Variants in BAIAP2 observed in about 807,000 individuals in gnomAD.
BAIAP2 encodes the protein BAR/IMD domain containing adaptor protein 2.
BAIAP2 carries 18 observed loss-of-function variants against 63.0 expected under a neutral mutation model. That is an observed-to-expected ratio of 0.29 (90% CI 0.20 to 0.42). The LOEUF is 0.42. BAIAP2 is among the 10% of genes least tolerant of loss of function. The pLI is 1.00. For synonymous variants in BAIAP2, 386 were observed against 307.6 expected, an observed-to-expected ratio of 1.25 and a Z score of -2.67; for missense variants, 610 against 734.3, an observed-to-expected ratio of 0.83 and a Z score of 1.96.
At chr17:81,111,748 CCCTCTGCCCTCATAGGGGG>C (rs1340206556) in intron 13 of BAIAP2, among the ~76,000 whole-genome samples, 1 of 152,222 alleles carries the variant, frequency 6.6e-6, no homozygotes, top group Non-Finnish European at 1.5e-5. Flanking sequence ...CAGGAGCAGG[CCCTCTGCCCTCATAGGGGG>C]CCCTTGCCCA....
At chr17:81,114,839 C>T (rs779829486) in intron 13 of BAIAP2, among the ~76,000 whole-genome samples, 10 of 152,202 alleles carry the variant, frequency 6.6e-5, no homozygotes, top group South Asian at 6.2e-4. Context: ...GGGTTGTTCC[C>T]GGCTGCCCGG....
chr17:81,057,979 C>CA lies in BAIAP2; in HGVS notation c.217+12_217+13insA. On this transcript the variant is annotated intron_variant, in intron 3 of 13. Coordinates refer to ENST00000428708, the MANE Select transcript of BAIAP2 (RefSeq NM_001144888.2). Reference sequence around the variant, plus strand: ...CTCCAAAGAACTCGGTGAGACCCCCCCCCCCCCCCCGCCTGGTAGTCGCCT... The same window carrying CA: ...CTCCAAAGAACTCGGTGAGACCCCCCACCCCCCCCCCGCCTGGTAGTCGCCT... 9.2e-7 allele frequency: 1 copy of CA among 1,084,604 alleles called. No homozygotes were observed. 67.2% of individuals were successfully genotyped at this position (1,084,604 alleles called of 1,614,324 possible).
At chr17:81,070,596 C>T (rs1455854832) in intron 3 of BAIAP2, among the ~76,000 whole-genome samples, 1 of 152,226 alleles carries the variant, frequency 6.6e-6, no homozygotes, top group Non-Finnish European at 1.5e-5. Flanking sequence ...CCTGGCGTGC[C>T]TGTCCCGCTG....
At chr17:81,045,094 G>A (rs2047622797) in intron 1 of BAIAP2, among the ~76,000 whole-genome samples, 1 of 152,232 alleles carries the variant, frequency 6.6e-6, no homozygotes, top group Admixed American at 6.5e-5. Flanking sequence ...CCTCCTGCGT[G>A]GGCCGGGTCA....
rs776492137 is a variant in BAIAP2 at position 81,086,565 on chromosome 17, G to C, written c.474G>C (p.Ser158=). The C allele has an allele frequency of 1.2e-6, 2 of 1,613,266 alleles. No homozygotes were observed. The highest frequency in any genetic ancestry group is 8.5e-7 in the Non-Finnish European group (1 of 1,180,000). ...SQGSKNPQKY[S]DKELQYIDAI... ...GCAGCAAGAATCCTCAGAAGTACTC[G>C]GACAAGGAGCTGCAGGTAGGCCCGC... The change falls in exon 6 of 14, where the codon TCG becomes TCC. Residue 158 remains serine, a synonymous_variant. Transcript: ENST00000428708.
Position 81,085,238 on chromosome 17 carries a change from G to GAC in BAIAP2, c.279+346_279+347dup. The GAC allele has an allele frequency of 6.0e-6, 3 of 500,228 alleles. No individual in the cohort carries two copies. The South Asian group carries it at 6.3e-5, about 10-fold the overall frequency. The allele number at this position is 500,228 out of a possible 1,614,324, so 31.0% of individuals were successfully genotyped here. On this transcript the variant is annotated intron_variant, in intron 4 of 13. Coordinates refer to ENST00000428708, the MANE Select transcript of BAIAP2 (RefSeq NM_001144888.2). ...GCCTCTCCGACTGTAGGCAGAGGCA[G>GAC]ACCCCACACAACCAGAGCACGTTGC...
chr17:81,051,720 C>A (rs1179657831), intron 1 of BAIAP2, among the ~76,000 whole-genome samples: 1 of 152,104 alleles, frequency 6.6e-6, no homozygotes, highest in Non-Finnish European at 1.5e-5. Context: ...GACAGGGTCT[C>A]ACTCTGTCAC....
At position 81,109,273 on chromosome 17, in the gene BAIAP2, G is replaced by A. The variant is rs1281575885; in HGVS notation, c.1535+764G>A. 2.8e-5 allele frequency: 37 copies of A among 1,307,314 alleles called. No homozygotes were observed. In the African/African-American group the frequency reaches 3.2e-4, roughly 11 times the overall value. The allele number at this position is 1,307,314 out of a possible 1,614,324, so 81.0% of individuals were successfully genotyped here. A position where few individuals can be genotyped will look rare whatever the true frequency, so the allele number is the denominator to read the frequency against. The stretch of plus-strand genomic sequence containing the variant: ...CCAGGCAGGACCTGCTGGGCCGTGC[G>A]GGGCACCCTCGGCCTCACCCTGCAG... On this transcript the variant is annotated intron_variant, in intron 13 of 13. Coordinates refer to ENST00000428708, the MANE Select transcript of BAIAP2 (RefSeq NM_001144888.2).
At chr17:81,096,841 C>A (rs1422937666) in intron 6 of BAIAP2, among the ~76,000 whole-genome samples, 3 of 152,234 alleles carry the variant, frequency 2.0e-5, no homozygotes, top group Admixed American at 1.3e-4. Flanking sequence ...TCAGAGGTCA[C>A]TGGAGGTTCT....
chr17:81,115,857 C>T lies in BAIAP2; in HGVS notation c.*18C>T, dbSNP rs557897099. The T allele has an allele frequency of 3.1e-5, 50 of 1,612,946 alleles. No homozygotes were observed. In the East Asian group the frequency reaches 1.0e-3, roughly 34 times the overall value. ...TCAGCTGATGGCCACATCTGCAGTG[C>T]TGCCCATCTGGTGGCTTCCCCCGCC... is the stretch of plus-strand genomic sequence containing the variant. On this transcript the variant is annotated 3_prime_UTR_variant, in exon 14 of 14. Transcript: ENST00000428708.
In BAIAP2 at chr17:81,108,901, C is replaced by T. The variant is rs1005912239; in HGVS notation, c.1535+392C>T. On this transcript the variant is annotated intron_variant, in intron 13 of 13. Transcript: ENST00000428708. ...TGAAAGGGGCATTGCTCGGTGCTGG[C>T]GGACTCGCCGCCTGTGGCTGGGCAG... is the stretch of plus-strand genomic sequence containing the variant. 1.9e-5 allele frequency: 29 copies of T among 1,521,524 alleles called. 1 individual carries two copies. In the Admixed American group the frequency reaches 2.4e-4, roughly 13 times the overall value. The allele number at this position is 1,521,524 out of a possible 1,614,324, so 94.3% of individuals were successfully genotyped here. A position where few individuals can be genotyped will look rare whatever the true frequency, so the allele number is the denominator to read the frequency against.
At chr17:81,055,808 G>A (rs376798831) in intron 2 of BAIAP2, among the ~76,000 whole-genome samples, 25 of 151,816 alleles carry the variant, frequency 1.6e-4, no homozygotes, top group East Asian at 1.4e-3. Flanking sequence ...CTCGTGATCC[G>A]CCCGCCTCAG....
In BAIAP2 at chr17:81,103,953, G is replaced by T. The variant is rs754048103; in HGVS notation, c.911G>T (p.Gly304Val). ...ACACCCATCATGAACGGCGTCACAGGCCCGGATGGCGAGGACTACAGCCCG... is the reference window on the plus strand; with the variant it reads ...ACACCCATCATGAACGGCGTCACAGTCCCGGATGGCGAGGACTACAGCCCG... Reference protein sequence around the residue: ...ESTPIMNGVTGPDGEDYSPWA... With the variant: ...ESTPIMNGVTVPDGEDYSPWA... The change falls in exon 9 of 14, where the codon GGC (glycine) becomes GTC (valine). Residue 304 changes from glycine to valine, a missense_variant. By Grantham distance (109) the Gly-to-Val change is moderately radical (BLOSUM62 -3). Transcript: ENST00000428708. The T allele has an allele frequency of 6.2e-7, 1 of 1,613,040 alleles. No homozygotes were observed.
chr17:81,069,880 A>G (rs1360673745), intron 3 of BAIAP2, among the ~76,000 whole-genome samples: 1 of 152,156 alleles, frequency 6.6e-6, no homozygotes, highest in Non-Finnish European at 1.5e-5. Flanking sequence ...AGCAGAGGTG[A>G]CCAGGGTCTT....
chr17:81,085,680 T>A lies in BAIAP2; in HGVS notation c.306T>A (p.Leu102=). The change falls in exon 5 of 14, where the codon CTT becomes CTA. Residue 102 remains leucine (L), a synonymous_variant. Transcript: ENST00000428708. ...EMLKSFHNEL[L]TQLEQKVELD... ...TGAAGTCTTTTCACAACGAGCTGCT[T>A]ACGCAGCTGGAGCAGAAGGTGGAGC... 6.2e-7 allele frequency: 1 copy of A among 1,613,920 alleles called. No homozygotes were observed. The highest frequency in any genetic ancestry group is 1.6e-4 in the Middle Eastern group (1 of 6,062).
chr17:81,111,097 A>C, intron 13 of BAIAP2: 1 of 1,023,832 alleles, frequency 9.8e-7, no homozygotes, highest in Non-Finnish European at 1.5e-6. Context: ...CCTGCCTCTC[A>C]CTCTGGGTGC....
At chr17:81,047,652 C>A (rs1158938571) in intron 1 of BAIAP2, among the ~76,000 whole-genome samples, 2 of 148,288 alleles carry the variant, frequency 1.3e-5, no homozygotes, top group Non-Finnish European at 3.0e-5. Context: ...ACACGCAGCT[C>A]ATGCTCATAG....
rs2143065943 is a variant in BAIAP2 at position 81,035,188 on chromosome 17, TTACCGCCGCTGCTGCCGC to T, written c.-66_-49del. 3.0e-6 allele frequency: 4 copies of T among 1,338,480 alleles called. No homozygotes were observed. Among genetic ancestry groups the T allele is most frequent in the Admixed American group, 2.5e-5 (1 of 40,072 alleles). The allele number at this position is 1,338,480 out of a possible 1,614,324, so 82.9% of individuals were successfully genotyped here. A position where few individuals can be genotyped will look rare whatever the true frequency, so the allele number is the denominator to read the frequency against. On this transcript the variant is annotated 5_prime_UTR_variant, in exon 1 of 14. Coordinates refer to ENST00000428708, the MANE Select transcript of BAIAP2 (RefSeq NM_001144888.2). The stretch of plus-strand genomic sequence containing the variant: ...CGCTTTCGTCTCCGTCCTGCTGCCG[TTACCGCCGCTGCTGCCGC>T]CGCTTGCGTCCCCCGCTCCGGTCTG...
intron 4 of BAIAP2, 129 bp from the exon 5 acceptor site, chr17:81,085,525 G>A: frequency 1.3e-6 from 1 of 762,692 alleles, no homozygotes; most frequent in Non-Finnish European, 2.3e-6. Context: ...TCAGTCAGGG[G>A]GAGGGGGCCC....
Sources: allele counts gnomAD v4.1 joint callset (sites outside exome capture counted in the v4.1 genomes callset), GRCh38; gene constraint gnomAD v4.1.1; transcripts MANE v1.5; gene names NCBI Gene and HGNC (gene_info 2026-07-23, HGNC 2026-07-21).